The following PRKAR1A variants were observed in gnomAD, a reference collection of about 807,000 sequenced individuals.
The protein encoded by PRKAR1A is protein kinase cAMP-dependent type I regulatory subunit alpha.
Under a neutral mutation model 52.0 loss-of-function variants are expected in PRKAR1A, and 3 were observed. The ratio of observed to expected loss-of-function variants is 0.06; its 90% CI spans 0.03 to 0.15. PRKAR1A has a LOEUF of 0.15. Ranked by LOEUF, PRKAR1A falls within the 10% of genes least tolerant of loss-of-function variation. The pLI is 1.00. For missense variants in PRKAR1A, 240 were observed against 477.4 expected, an observed-to-expected ratio of 0.50 and a Z score of 4.63; for synonymous variants, 188 against 168.4, an observed-to-expected ratio of 1.12 and a Z score of -0.90.
intron 10 of PRKAR1A, 64 bp downstream of exon 10, chr17:68,530,065 G>A (rs534838406): frequency 2.0e-5 from 31 of 1,560,140 alleles, no homozygotes; most frequent in Non-Finnish European, 2.4e-5. Flanking sequence ...GTGAGATATT[G>A]TAGTCTTCCA....
At chr17:68,497,375 C>T in the PRKAR1A span, among the ~76,000 whole-genome samples, 2 of 152,100 alleles carry the variant, frequency 1.3e-5, no homozygotes, top group African/African-American at 4.8e-5. Flanking sequence ...AATTGCTAGT[C>T]CCCGTTCTAG....
At chr17:68,450,940 T>C in the PRKAR1A span, 2 of 1,578,128 alleles carry the variant, frequency 1.3e-6, no homozygotes, top group Non-Finnish European at 1.7e-6. Flanking sequence ...ATTGATCACT[T>C]CCAAGAAGGA....
chr17:68,501,784 C>T, the PRKAR1A span, among the ~76,000 whole-genome samples: 5 of 152,262 alleles, frequency 3.3e-5, no homozygotes, highest in East Asian at 9.6e-4. Flanking sequence ...TTCCGACCAG[C>T]AAGGAAGCAA....
chr17:68,499,064 A>G, the PRKAR1A span, among the ~76,000 whole-genome samples: 1 of 152,202 alleles, frequency 6.6e-6, no homozygotes. Flanking sequence ...CTGTGAGGGT[A>G]GGGTGTGGGA....
chr17:68,513,582 T>C (rs1454792729), intron 1 of PRKAR1A, among the ~76,000 whole-genome samples: 1 of 152,226 alleles, frequency 6.6e-6, no homozygotes, highest in Admixed American at 6.5e-5. Flanking sequence ...TTAAAGCAGT[T>C]AAATAATTGT....
the PRKAR1A span, among the ~76,000 whole-genome samples, chr17:68,441,350 CTAATTTACT>C: frequency 6.6e-6 from 1 of 152,202 alleles, no homozygotes; most frequent in Non-Finnish European, 1.5e-5. Flanking sequence ...CTCTGTATAG[CTAATTTACT>C]TGTAGTTTAT....
chr17:68,548,041 A>C (rs923121634), intron 11 of PRKAR1A, among the ~76,000 whole-genome samples: 1 of 152,064 alleles, frequency 6.6e-6, no homozygotes, highest in African/African-American at 2.4e-5. Context: ...TGTCTTAGGG[A>C]ATAGGGAGGC....
chr17:68,461,823 A>G, the PRKAR1A span, among the ~76,000 whole-genome samples: 1 of 152,114 alleles, frequency 6.6e-6, no homozygotes, highest in African/African-American at 2.4e-5. This position sits in a 1 kb window ranked among gnomAD's most constrained non-coding sequence, Gnocchi z 4.6. Context: ...GTGCCAGGGT[A>G]GAAGAGGAGG....
At chr17:68,421,736 TAGG>T in the PRKAR1A span, 2 of 1,613,970 alleles carry the variant, frequency 1.2e-6, no homozygotes, top group Non-Finnish European at 1.7e-6. Context: ...AACCACCTGA[TAGG>T]GGGGATGTCC....
the PRKAR1A span, among the ~76,000 whole-genome samples, chr17:68,444,884 C>A: frequency 1.3e-5 from 2 of 150,910 alleles, no homozygotes; most frequent in African/African-American, 4.9e-5. Context: ...TCTTCCTTCT[C>A]CTTCTTTCCT....
the PRKAR1A span, among the ~76,000 whole-genome samples, chr17:68,473,126 AT>A: frequency 1.6e-4 from 24 of 152,336 alleles, no homozygotes; most frequent in South Asian, 2.5e-3. Context: ...ATCACAAATA[AT>A]TTTTAATAAT....
chr17:68,429,942 A>G, the PRKAR1A span: 2 of 1,608,300 alleles, frequency 1.2e-6, no homozygotes, highest in Non-Finnish European at 1.7e-6. Context: ...GTGCTTTGGA[A>G]AAATACATTG....
chr17:68,492,827 CA>C, the PRKAR1A span, among the ~76,000 whole-genome samples: 1 of 152,156 alleles, frequency 6.6e-6, no homozygotes, highest in Non-Finnish European at 1.5e-5. Flanking sequence ...CAGGTCCCTA[CA>C]AAGGACATGA....
rs962291179 is a variant in PRKAR1A at position 68,531,005 on chromosome 17, A to G, written c.*556A>G. 14 of 1,077,084 alleles carry G rather than the reference A, an allele frequency of 1.3e-5. No individual in the cohort carries two copies. The highest frequency in any genetic ancestry group is 1.6e-5 in the African/African-American group (1 of 60,822). 66.7% of individuals were successfully genotyped at this position (1,077,084 alleles called of 1,614,324 possible). A position where few individuals can be genotyped will look rare whatever the true frequency, so the allele number is the denominator to read the frequency against. On this transcript the variant is annotated 3_prime_UTR_variant, in exon 11 of 11. Coordinates refer to ENST00000589228, the MANE Select transcript of PRKAR1A (RefSeq NM_002734.5). ...AAAATGCCCATTTTTGCTAATTATC[A>G]ATGGGATATGATTGGTTCAGTTTTT...
Position 68,530,740 on chromosome 17 carries a change from A to G in PRKAR1A, c.*291A>G, listed in dbSNP as rs1343533114. 2.2e-6 allele frequency: 3 copies of G among 1,341,182 alleles called. No homozygotes were observed. Among genetic ancestry groups the G allele is most frequent in the Non-Finnish European group, 2.9e-6 (3 of 1,041,034 alleles). The allele number at this position is 1,341,182 out of a possible 1,614,324, so 83.1% of individuals were successfully genotyped here. On this transcript the variant is annotated 3_prime_UTR_variant, in exon 11 of 11. Transcript: ENST00000589228. ...GCAGTGAGTGCCATGCTTTTTGGTGAGGGCAGATCCCAGCACCTATTGAAT... is the reference window on the plus strand; with the variant it reads ...GCAGTGAGTGCCATGCTTTTTGGTGGGGGCAGATCCCAGCACCTATTGAAT...
chr17:68,549,494 C>CA (rs34993560), intron 11 of PRKAR1A, among the ~76,000 whole-genome samples: 1,295 of 126,812 alleles, frequency 0.01, 4 homozygotes, highest in African/African-American at 0.022. Context: ...AACTCCATCT[C>CA]AAAAAAAAAA....
chr17:68,546,665 C>T (rs1344403261), intron 11 of PRKAR1A, among the ~76,000 whole-genome samples: 3 of 151,992 alleles, frequency 2.0e-5, no homozygotes, highest in African/African-American at 7.3e-5. Flanking sequence ...CCTGTCTCTA[C>T]TAAAAATACA....
the PRKAR1A span, among the ~76,000 whole-genome samples, chr17:68,487,572 G>A: frequency 1.3e-5 from 2 of 152,146 alleles, no homozygotes; most frequent in Non-Finnish European, 2.9e-5. Flanking sequence ...GGGCCAAGGC[G>A]GGTGGATTGC....
At chr17:68,521,112 T>A (rs1207613312) in intron 2 of PRKAR1A, among the ~76,000 whole-genome samples, 2 of 152,086 alleles carry the variant, frequency 1.3e-5, no homozygotes, top group Non-Finnish European at 2.9e-5. Context: ...TGGCTAATTT[T>A]TGTATTTTTA....
Sources: gnomAD v4.1 joint callset for allele counts (sites outside exome capture counted in the v4.1 genomes callset) on GRCh38, gnomAD v4.1.1 for gene constraint, Gnocchi (gnomAD v3.1) non-coding constraint, MANE v1.5 for transcripts, NCBI Gene and HGNC (gene_info 2026-07-23, HGNC 2026-07-21) for gene names.